Variants in LRRC4C observed in about 807,000 individuals in gnomAD.
The protein encoded by LRRC4C is leucine-rich repeat-containing protein 4C.
A neutral mutation model predicts 33.6 loss-of-function variants in LRRC4C; 5 were observed. The observed-to-expected ratio is 0.15, with a 90% CI of 0.08 to 0.31. LRRC4C has a LOEUF of 0.31. LRRC4C is among the 10% of genes least tolerant of loss of function. The probability of loss-of-function intolerance (pLI) is 1.00; values close to 1 mark genes in which losing one functional copy is unlikely to be tolerated. For missense variants in LRRC4C, 560 were observed against 796.7 expected, an observed-to-expected ratio of 0.70 and a Z score of 3.58; for synonymous variants, 329 against 302.0, an observed-to-expected ratio of 1.09 and a Z score of -0.93.
At chr11:40,813,434 T>C (rs1341998447) in intron 2 of LRRC4C, among the ~76,000 whole-genome samples, 3 of 152,032 alleles carry the variant, frequency 2.0e-5, no homozygotes, top group African/African-American at 7.2e-5. Context: ...ATTATTACAG[T>C]AACATTATGG....
intron 3 of LRRC4C, among the ~76,000 whole-genome samples, chr11:40,519,558 C>T (rs940080866): frequency 6.6e-6 from 1 of 152,130 alleles, no homozygotes; most frequent in Admixed American, 6.6e-5. Context: ...GTACCTTGCT[C>T]TGAATTAGGC....
At chr11:40,579,139 A>G (rs1591164704) in intron 3 of LRRC4C, among the ~76,000 whole-genome samples, 1 of 152,118 alleles carries the variant, frequency 6.6e-6, no homozygotes, top group East Asian at 1.9e-4. Context: ...GGAGTTCAAG[A>G]CAGCCTGGAC....
chr11:41,408,561 A>G (rs1200135008), intron 1 of LRRC4C, among the ~76,000 whole-genome samples: 1 of 152,140 alleles, frequency 6.6e-6, no homozygotes, highest in African/African-American at 2.4e-5. Flanking sequence ...AGAGTTAAGT[A>G]TCTGCCAGGA....
At chr11:40,324,958 A>G (rs1257734541) in intron 3 of LRRC4C, among the ~76,000 whole-genome samples, 1 of 152,240 alleles carries the variant, frequency 6.6e-6, no homozygotes, top group Non-Finnish European at 1.5e-5. Context: ...TTTGAGGACT[A>G]AATGAATTAA....
chr11:40,898,130 A>ACCCC (rs1956033411), intron 2 of LRRC4C, among the ~76,000 whole-genome samples: 1 of 152,162 alleles, frequency 6.6e-6, no homozygotes, highest in Admixed American at 6.5e-5. Context: ...CGAGGCGGGC[A>ACCCC]GATCACCTGA....
intron 4 of LRRC4C, among the ~76,000 whole-genome samples, chr11:40,246,286 C>G (rs1478803081): frequency 6.6e-6 from 1 of 152,000 alleles, no homozygotes; most frequent in African/African-American, 2.4e-5. Flanking sequence ...AAAGTCCTAA[C>G]TTTTTATCAA....
intron 2 of LRRC4C, among the ~76,000 whole-genome samples, chr11:40,666,297 C>A (rs895018120): frequency 2.0e-5 from 3 of 151,984 alleles, no homozygotes; most frequent in African/African-American, 7.2e-5. Context: ...TTTATAGGTA[C>A]ATTTATATAG....
chr11:41,453,679 T>C (rs902590347), intron 1 of LRRC4C, among the ~76,000 whole-genome samples: 3 of 152,050 alleles, frequency 2.0e-5, no homozygotes, highest in Non-Finnish European at 2.9e-5. Context: ...TGTGTGTGTA[T>C]GTGTGTTTGT....
At position 40,146,565 on chromosome 11, in the gene LRRC4C, C is replaced by T. The variant is rs1379278427; in HGVS notation, c.-95-5712G>A. Among the ~76,000 whole-genome samples, 4 of 152,062 alleles carry T rather than the reference C, an allele frequency of 2.6e-5. No individual in the cohort carries two copies. The East Asian group carries it at 5.8e-4, about 22-fold the overall frequency. Reference sequence around the variant, plus strand: ...TAACTTAGAAAATAGTCACAAAGAGCCCCCAAGGATGCTGCATAAGGACAC... The same window carrying T: ...TAACTTAGAAAATAGTCACAAAGAGTCCCCAAGGATGCTGCATAAGGACAC... On this transcript the variant is annotated intron_variant, in intron 5 of 6. Transcript: ENST00000528697.
Position 40,701,501 on chromosome 11 carries a change from C to T in LRRC4C, c.-406-53223G>A, listed in dbSNP as rs149210342. Among the ~76,000 whole-genome samples, 76 of 151,432 alleles carry T rather than the reference C, an allele frequency of 5.0e-4. No homozygotes were observed. The East Asian group carries it at 0.01, about 21-fold the overall frequency. The stretch of plus-strand genomic sequence containing the variant: ...ATTTGTCCTGGAAGTCTGAAAAGTC[C>T]GTACTTATGTGATGGCAAACGTGTG... On this transcript the variant is annotated intron_variant, in intron 2 of 6. Coordinates refer to ENST00000528697, the MANE Select transcript of LRRC4C (RefSeq NM_001258419.2).
chr11:41,256,523 G>A (rs1948805839), intron 1 of LRRC4C, among the ~76,000 whole-genome samples: 1 of 151,848 alleles, frequency 6.6e-6, no homozygotes, highest in Non-Finnish European at 1.5e-5. Context: ...ATCCAAAAAA[G>A]GAAAGTGGTT....
chr11:40,651,531 A>C (rs534322684), intron 2 of LRRC4C, among the ~76,000 whole-genome samples: 1 of 152,320 alleles, frequency 6.6e-6, no homozygotes, highest in African/African-American at 2.4e-5. Flanking sequence ...TTAATAAAGT[A>C]TCCATCTATT....
intron 3 of LRRC4C, among the ~76,000 whole-genome samples, chr11:40,362,976 T>A (rs1948028411): frequency 6.6e-6 from 1 of 152,116 alleles, no homozygotes; most frequent in Non-Finnish European, 1.5e-5. Context: ...GGGGTGTAAA[T>A]TAGTTCAGCC....
At chr11:40,895,457 T>G (rs1371506263) in intron 2 of LRRC4C, among the ~76,000 whole-genome samples, 1 of 152,148 alleles carries the variant, frequency 6.6e-6, no homozygotes, top group Non-Finnish European at 1.5e-5. Flanking sequence ...CTATCGCTTT[T>G]GCAGATACAA....
chr11:40,857,106 T>C (rs555027308), intron 2 of LRRC4C, among the ~76,000 whole-genome samples: 13 of 152,312 alleles, frequency 8.5e-5, no homozygotes, highest in South Asian at 8.3e-4. Flanking sequence ...ATACACCAAA[T>C]TTCTCTATTT....
intron 1 of LRRC4C, among the ~76,000 whole-genome samples, chr11:41,299,102 T>A (rs1950218722): frequency 6.6e-6 from 1 of 152,208 alleles, no homozygotes; most frequent in Non-Finnish European, 1.5e-5. Flanking sequence ...GGAATGCCAG[T>A]GTCTTTTTCA....
At chr11:40,892,172 T>A (rs983343554) in intron 2 of LRRC4C, among the ~76,000 whole-genome samples, 10 of 149,580 alleles carry the variant, frequency 6.7e-5, no homozygotes, top group Non-Finnish European at 1.2e-4. Context: ...AAAAAAGAAG[T>A]TCCTCAAAAA....
intron 2 of LRRC4C, among the ~76,000 whole-genome samples, chr11:40,832,621 G>C (rs376221801): frequency 6.6e-6 from 1 of 152,002 alleles, no homozygotes; most frequent in African/African-American, 2.4e-5. Flanking sequence ...TAAAAGCCGC[G>C]GTGGGAATCT....
chr11:40,510,670 C>G (rs1020802323), intron 3 of LRRC4C, among the ~76,000 whole-genome samples: 1 of 152,094 alleles, frequency 6.6e-6, no homozygotes, highest in South Asian at 2.1e-4. Context: ...CTCAAATAAG[C>G]CTAAATAGCA....
Sources: gnomAD v4.1 joint callset for allele counts (sites outside exome capture counted in the v4.1 genomes callset) on GRCh38, gnomAD v4.1.1 for gene constraint, MANE v1.5 for transcripts, NCBI Gene and HGNC (gene_info 2026-07-23, HGNC 2026-07-21) for gene names.